CATSPERB: variants seen among roughly 807,000 people sequenced by gnomAD.
CATSPERB encodes the protein catsper channel auxiliary subunit beta.
CATSPERB carries 93 observed loss-of-function variants against 128.3 expected under a neutral mutation model. The observed-to-expected ratio is 0.72, with a 90% CI of 0.61 to 0.86. The LOEUF is 0.86. Ranked by LOEUF, CATSPERB falls within the 40% of genes least tolerant of loss-of-function variation. The probability of loss-of-function intolerance (pLI) is 0.00; values close to 1 mark genes in which losing one functional copy is unlikely to be tolerated. For synonymous variants in CATSPERB, 381 were observed against 448.8 expected, an observed-to-expected ratio of 0.85 and a Z score of 1.91; for missense variants, 1,153 against 1,329.5, an observed-to-expected ratio of 0.87 and a Z score of 2.06.
At chr14:91,634,003 A>G (rs1894323700) in intron 17 of CATSPERB, among the ~76,000 whole-genome samples, 1 of 152,198 alleles carries the variant, frequency 6.6e-6, no homozygotes, top group African/African-American at 2.4e-5. Flanking sequence ...TGACCCTTGA[A>G]CAATGCAGAG....
chr14:91,616,741 T>C (rs1469952554), intron 20 of CATSPERB, among the ~76,000 whole-genome samples: 4 of 140,384 alleles, frequency 2.8e-5, no homozygotes, highest in Non-Finnish European at 4.6e-5. Context: ...CCCTTTTTTT[T>C]TTTTTTTTTT....
chr14:91,595,559 A>G (rs985378930), intron 22 of CATSPERB, among the ~76,000 whole-genome samples: 1 of 152,146 alleles, frequency 6.6e-6, no homozygotes, highest in African/African-American at 2.4e-5. Flanking sequence ...TTGAGGATCC[A>G]AGATAAACCT....
intron 22 of CATSPERB, among the ~76,000 whole-genome samples, chr14:91,595,678 T>C (rs1260710329): frequency 1.3e-5 from 2 of 152,202 alleles, no homozygotes; most frequent in Non-Finnish European, 2.9e-5. Flanking sequence ...AAGGGCTTTA[T>C]TGGCTCCATA....
intron 22 of CATSPERB, among the ~76,000 whole-genome samples, chr14:91,599,027 C>T (rs1893562368): frequency 6.6e-6 from 1 of 152,064 alleles, no homozygotes; most frequent in Non-Finnish European, 1.5e-5. Flanking sequence ...CCAAAACAAA[C>T]CTCCTTATTG....
intron 14 of CATSPERB, among the ~76,000 whole-genome samples, chr14:91,668,528 G>A (rs556339213): frequency 1.3e-5 from 2 of 152,280 alleles, no homozygotes; most frequent in East Asian, 3.9e-4. Flanking sequence ...AATAAAAGCT[G>A]GCCACCCGAG....
In CATSPERB at chr14:91,598,725, G is replaced by T. The variant is rs930223495; in HGVS notation, c.2710-6723C>A. On this transcript the variant is annotated intron_variant, in intron 22 of 26. Coordinates refer to ENST00000256343, the MANE Select transcript of CATSPERB (RefSeq NM_024764.4). ...TACAAAAAATTAGCCAGGCGTGGTG[G>T]CAGGCGCTTGTAGTCCCAGCTACTT... Among the ~76,000 whole-genome samples, 6 of 151,988 alleles carry T rather than the reference G, an allele frequency of 3.9e-5. No individual in the cohort carries two copies. In the East Asian group the frequency reaches 1.2e-3, roughly 29 times the overall value.
At chr14:91,622,186 T>C (rs948598767) in intron 18 of CATSPERB, among the ~76,000 whole-genome samples, 4 of 148,618 alleles carry the variant, frequency 2.7e-5, no homozygotes, top group Admixed American at 2.1e-4. Context: ...TAAAAAACCA[T>C]GTAGAGCTAA....
In CATSPERB at chr14:91,719,431, G is replaced by A. The variant is rs1225077491; in HGVS notation, c.357C>T (p.Ile119=). The change falls in exon 5 of 27, where the codon ATC becomes ATT. Residue 119 remains isoleucine (I), a synonymous_variant. Transcript: ENST00000256343. ...GATCACTCTTACCTGTGCTTTGTGTGATGTTTTCTCTAGGAATATCAACCA... is the reference window on the plus strand; with the variant it reads ...GATCACTCTTACCTGTGCTTTGTGTAATGTTTTCTCTAGGAATATCAACCA... ...LWLVDIPREN[I]TQSTDIAAVE... The A allele has an allele frequency of 6.2e-7, 1 of 1,611,110 alleles. No homozygotes were observed. Among genetic ancestry groups the A allele is most frequent in the Non-Finnish European group, 8.5e-7 (1 of 1,178,278 alleles).
At chr14:91,589,469 T>C in intron 24 of CATSPERB, 65 bp downstream of exon 24, 1 of 1,486,686 alleles carries the variant, frequency 6.7e-7, no homozygotes, top group East Asian at 2.3e-5. Context: ...AAACCATTGA[T>C]CTTTGTAAAC....
At chr14:91,616,759 G>A in intron 20 of CATSPERB, among the ~76,000 whole-genome samples, 1 of 9,448 alleles carries the variant, frequency 1.1e-4, no homozygotes, top group African/African-American at 3.6e-4. Flanking sequence ...TTTTTTTTTT[G>A]AGACAGAGTT....
At chr14:91,694,350 G>A (rs1483035388) in intron 7 of CATSPERB, among the ~76,000 whole-genome samples, 1 of 149,478 alleles carries the variant, frequency 6.7e-6, no homozygotes, top group Non-Finnish European at 1.5e-5. Flanking sequence ...AGGCTGAGGT[G>A]AGAGGATCGG....
intron 24 of CATSPERB, among the ~76,000 whole-genome samples, chr14:91,589,243 C>G (rs1053037905): frequency 6.6e-6 from 1 of 152,188 alleles, no homozygotes; most frequent in Non-Finnish European, 1.5e-5. Flanking sequence ...CACCATGCAG[C>G]ACAAATTCAG....
intron 15 of CATSPERB, among the ~76,000 whole-genome samples, chr14:91,648,549 TC>T (rs1894646068): frequency 6.6e-6 from 1 of 152,200 alleles, no homozygotes; most frequent in South Asian, 2.1e-4. Context: ...CTTCTCATGT[TC>T]CTTATAGTTC....
chr14:91,697,974 G>A (rs903186669), intron 7 of CATSPERB, among the ~76,000 whole-genome samples: 3 of 152,148 alleles, frequency 2.0e-5, no homozygotes, highest in Non-Finnish European at 4.4e-5. Flanking sequence ...GGGCAGTATG[G>A]CCATTTAGAT....
chr14:91,660,499 T>C (rs911405311), intron 14 of CATSPERB, among the ~76,000 whole-genome samples: 4 of 152,202 alleles, frequency 2.6e-5, no homozygotes, highest in African/African-American at 7.2e-5. Context: ...TGTATAGTTA[T>C]ATTAGTTTAT....
At chr14:91,651,505 T>TA (rs1894703824) in intron 15 of CATSPERB, among the ~76,000 whole-genome samples, 1 of 152,216 alleles carries the variant, frequency 6.6e-6, no homozygotes, top group African/African-American at 2.4e-5. Flanking sequence ...TGAGAGGAAT[T>TA]ACGTTTCCTG....
rs866005934 is a variant in CATSPERB at position 91,639,095 on chromosome 14, C to T, written c.1587+1G>A. The T allele has an allele frequency of 6.2e-7, 1 of 1,613,418 alleles. No individual in the cohort carries two copies. Among genetic ancestry groups the T allele is most frequent in the African/African-American group, 1.3e-5 (1 of 74,888 alleles). Reference sequence around the variant, plus strand: ...ACTGTTTCAATGCATTATATACTGACCTGTCCAAAAAGATTTCTAGAATTT... The same window carrying T: ...ACTGTTTCAATGCATTATATACTGATCTGTCCAAAAAGATTTCTAGAATTT... On this transcript the variant is annotated splice_donor_variant, in intron 16 of 26. Coordinates refer to ENST00000256343, the MANE Select transcript of CATSPERB (RefSeq NM_024764.4). LOFTEE classifies it high-confidence loss of function.
At chr14:91,720,499 G>T (rs1375394012) in intron 4 of CATSPERB, among the ~76,000 whole-genome samples, 1 of 151,026 alleles carries the variant, frequency 6.6e-6, no homozygotes, top group Admixed American at 6.6e-5. Context: ...ACATAAAAAA[G>T]AATAAAATAT....
chr14:91,730,747 G>A (rs1011116870), intron 1 of CATSPERB, among the ~76,000 whole-genome samples: 1 of 152,212 alleles, frequency 6.6e-6, no homozygotes. Context: ...GACAACTGCT[G>A]AGTAAATTAA....
Sources: gnomAD v4.1 joint callset for allele counts (sites outside exome capture counted in the v4.1 genomes callset) on GRCh38, gnomAD v4.1.1 for gene constraint, MANE v1.5 for transcripts, NCBI Gene and HGNC (gene_info 2026-07-23, HGNC 2026-07-21) for gene names.